The following FER1L6 variants were observed in gnomAD, a reference collection of about 807,000 sequenced individuals.
FER1L6 encodes fer-1 like family member 6.
In FER1L6, 177 loss-of-function variants were observed where a neutral mutation model predicts 219.2. The observed-to-expected ratio is 0.81, with a 90% confidence interval of 0.71 to 0.91. The LOEUF (loss-of-function observed/expected upper bound fraction) is 0.91, where lower values mean the gene tolerates loss of function less well. FER1L6 is among the 40% of genes least tolerant of loss of function. The pLI, the probability that FER1L6 is intolerant of heterozygous loss-of-function variation, is 0.00. For synonymous variants in FER1L6, 768 were observed against 824.3 expected, an observed-to-expected ratio of 0.93 and a Z score of 1.17; for missense variants, 2,153 against 2,259.9, an observed-to-expected ratio of 0.95 and a Z score of 0.96.
chr8:124,067,734 G>C, intron 27 of FER1L6, 33 bp from the exon 28 acceptor site: 2 of 1,577,422 alleles, frequency 1.3e-6, no homozygotes, highest in East Asian at 4.5e-5. Context: ...ATCAAGTATT[G>C]TGGTGTCAAT....
At chr8:123,997,452 T>A (rs936375050) in intron 12 of FER1L6, among the ~76,000 whole-genome samples, 1 of 152,144 alleles carries the variant, frequency 6.6e-6, no homozygotes, top group African/African-American at 2.4e-5. Flanking sequence ...TATCCTTGAG[T>A]TTTGGGACTT....
At chr8:123,856,316 G>GTGTGTGTGTGTGTA (rs71576706) in intron 1 of FER1L6, among the ~76,000 whole-genome samples, 1 of 45,088 alleles carries the variant, frequency 2.2e-5, no homozygotes, top group Non-Finnish European at 4.6e-5. Context: ...ATATGTATGT[G>GTGTGTGTGTGTGTA]TATATATATA....
intron 1 of FER1L6, among the ~76,000 whole-genome samples, chr8:123,897,715 T>C (rs1405698530): frequency 1.3e-5 from 2 of 152,238 alleles, no homozygotes; most frequent in Non-Finnish European, 2.9e-5. Flanking sequence ...ACATCATTCA[T>C]TGCAGGCTAT....
intron 1 of FER1L6, among the ~76,000 whole-genome samples, chr8:123,919,642 C>A (rs137925393): frequency 6.6e-6 from 1 of 152,322 alleles, no homozygotes; most frequent in Non-Finnish European, 1.5e-5. Flanking sequence ...AAACGTAGAG[C>A]CCCTTAAGTT....
chr8:124,013,444 A>G lies in FER1L6; in HGVS notation c.1835A>G (p.Glu612Gly). ...KMADFLEESI[E>G]EVRELIKISQ... is the part of the protein sequence containing the mutation. ...GTTTGTTTTCAGGAAGAAAGTATAG[A>G]AGAAGTGAGAGAATTGATCAAGATT... Residue 612 changes from glutamate to glycine, a missense_variant, in exon 15 of 41, where the codon GAA becomes GGA. Transcript: ENST00000522917. The G allele has an allele frequency of 1.2e-6, 2 of 1,607,706 alleles. No individual in the cohort carries two copies. The highest frequency in any genetic ancestry group is 1.7e-6 in the Non-Finnish European group (2 of 1,177,850).
rs1240540261 is a variant in FER1L6, at chr8:123,853,366, G to C, written c.-8+1181G>C. On this transcript the variant is annotated intron_variant, in intron 1 of 40. Coordinates refer to ENST00000522917, the MANE Select transcript of FER1L6 (RefSeq NM_001039112.2). This position sits in a 1 kb window ranked among gnomAD's most constrained non-coding sequence, Gnocchi z 6.6. Reference sequence around the variant, plus strand: ...GACGGGGTTTCACCATGACGGCCAGGATGGTCTCAAACTTCTGACCTCAAA... The same window carrying C: ...GACGGGGTTTCACCATGACGGCCAGCATGGTCTCAAACTTCTGACCTCAAA... Among the ~76,000 whole-genome samples, 3 of 152,056 alleles carry C rather than the reference G, an allele frequency of 2.0e-5. No individual in the cohort carries two copies. The highest frequency in any genetic ancestry group is 2.4e-5 in the African/African-American group (1 of 41,386).
intron 25 of FER1L6, among the ~76,000 whole-genome samples, chr8:124,063,494 C>G (rs1563775156): frequency 6.6e-6 from 1 of 152,174 alleles, no homozygotes; most frequent in Admixed American, 6.5e-5. Context: ...GCAGTTTTCT[C>G]CACATAGAGC....
rs566517702 is a variant in FER1L6 at position 124,081,093 on chromosome 8, A to T, written c.4221-1195A>T. Among the ~76,000 whole-genome samples the T allele has an allele frequency of 4.6e-5, 7 of 152,270 alleles. No individual in the cohort carries two copies. In the South Asian group the frequency reaches 1.5e-3, roughly 32 times the overall value. ...GTTAAGTGGATCTGACCATGAGGGCAGCAGCCCAGACAGCCCTGTGGACAT... is the reference window on the plus strand; with the variant it reads ...GTTAAGTGGATCTGACCATGAGGGCTGCAGCCCAGACAGCCCTGTGGACAT... On this transcript the variant is annotated intron_variant, in intron 32 of 40. Coordinates refer to ENST00000522917, the MANE Select transcript of FER1L6 (RefSeq NM_001039112.2).
At chr8:123,908,705 T>G (rs1813001250) in intron 1 of FER1L6, among the ~76,000 whole-genome samples, 1 of 152,208 alleles carries the variant, frequency 6.6e-6, no homozygotes, top group Non-Finnish European at 1.5e-5. Context: ...GTGGAGGAGA[T>G]AGACTTGAAG....
intron 39 of FER1L6, among the ~76,000 whole-genome samples, chr8:124,104,395 G>A (rs770555741): frequency 5.3e-5 from 8 of 152,210 alleles, no homozygotes; most frequent in Admixed American, 6.5e-5. Flanking sequence ...CCAATCATGC[G>A]TGGAATAACC....
At chr8:123,975,417 A>C in intron 8 of FER1L6, 111 bp downstream of exon 8, 1 of 1,074,600 alleles carries the variant, frequency 9.3e-7, no homozygotes, top group Non-Finnish European at 1.3e-6. Flanking sequence ...GCTTCTTCTC[A>C]GCTTGGTCAC....
rs1253117531 is a variant in FER1L6 at position 124,116,364 on chromosome 8, AC to A, written c.5290-2479del. On this transcript the variant is annotated intron_variant, in intron 39 of 40. Coordinates refer to ENST00000522917, the MANE Select transcript of FER1L6 (RefSeq NM_001039112.2). ...GATAGCCAAAAAGGGTATGCATGAAACACCATGCAAGTTATAAAGTGCGATA... is the reference window on the plus strand; with the variant it reads ...GATAGCCAAAAAGGGTATGCATGAAAACCATGCAAGTTATAAAGTGCGATA... Among the ~76,000 whole-genome samples the A allele has an allele frequency of 2.6e-5, 4 of 151,700 alleles. No homozygotes were observed. In the South Asian group the frequency reaches 8.3e-4, roughly 32 times the overall value.
chr8:124,065,712 C>T (rs1215831451), intron 26 of FER1L6, among the ~76,000 whole-genome samples: 1 of 152,154 alleles, frequency 6.6e-6, no homozygotes, highest in African/African-American at 2.4e-5. Flanking sequence ...TCTATACCCC[C>T]GCACTCGATA....
In FER1L6 at chr8:124,045,863, C is replaced by T. The variant is rs772740569; in HGVS notation, c.2686C>T (p.Pro896Ser). The change falls in exon 21 of 41, where the codon CCC becomes TCC. Residue 896 changes from proline to serine, a missense_variant. Transcript: ENST00000522917. ...GDVKELAESP[P>S]LVVVELYDSD... ...TGTGAAGGAGCTGGCAGAGTCCCCGCCCTTAGTGGTGGTGGAGCTGTATGA... is the reference window on the plus strand; with the variant it reads ...TGTGAAGGAGCTGGCAGAGTCCCCGTCCTTAGTGGTGGTGGAGCTGTATGA... The T allele has an allele frequency of 6.2e-6, 10 of 1,614,028 alleles. No homozygotes were observed. The East Asian group carries it at 2.2e-4, about 36-fold the overall frequency.
intron 25 of FER1L6, among the ~76,000 whole-genome samples, chr8:124,062,436 T>C (rs1820628194): frequency 6.6e-6 from 1 of 152,192 alleles, no homozygotes. Context: ...ACTGTCCTCC[T>C]TATTCCTTAT....
chr8:124,064,204 T>C (rs1820721558), intron 25 of FER1L6, 143 bp from the exon 26 acceptor site: 1 of 750,514 alleles, frequency 1.3e-6, no homozygotes, highest in Non-Finnish European at 2.3e-6. Flanking sequence ...TACTGTCATT[T>C]TATACATAAG....
At chr8:123,864,909 C>T (rs1359271201) in intron 1 of FER1L6, among the ~76,000 whole-genome samples, 1 of 150,838 alleles carries the variant, frequency 6.6e-6, no homozygotes, top group South Asian at 2.1e-4. Flanking sequence ...TTTTCAACTT[C>T]TTTGCCTTTG....
intron 6 of FER1L6, among the ~76,000 whole-genome samples, chr8:123,972,006 C>T (rs1331345486): frequency 2.6e-5 from 4 of 152,234 alleles, no homozygotes; most frequent in Admixed American, 2.6e-4. Context: ...ATCTTGCCCA[C>T]AGGGACTCTC....
chr8:123,993,441 C>CAAA (rs758672519), intron 12 of FER1L6, among the ~76,000 whole-genome samples: 1 of 52,256 alleles, frequency 1.9e-5, no homozygotes, highest in African/African-American at 7.3e-5. Flanking sequence ...GACTCCGTCT[C>CAAA]AAAAAAAAAA....
Sources: allele counts gnomAD v4.1 joint callset (sites outside exome capture counted in the v4.1 genomes callset), GRCh38; gene constraint gnomAD v4.1.1; non-coding constraint Gnocchi (gnomAD v3.1); transcripts MANE v1.5; gene names NCBI Gene and HGNC (gene_info 2026-07-23, HGNC 2026-07-21).